LPP: variants seen among roughly 807,000 people sequenced by gnomAD.
LPP encodes lipoma-preferred partner.
In LPP, 38 loss-of-function variants were observed where a neutral mutation model predicts 60.4. That is an observed-to-expected ratio of 0.63 (90% CI 0.49 to 0.83). The LOEUF (loss-of-function observed/expected upper bound fraction) is 0.83. Among genes scored for constraint, LPP ranks in the 40% least tolerant of loss-of-function variants. The probability of loss-of-function intolerance (pLI) is 0.00; values close to 1 mark genes in which losing one functional copy is unlikely to be tolerated. For synonymous variants in LPP, 328 were observed against 290.8 expected, an observed-to-expected ratio of 1.13 and a Z score of -1.30; for missense variants, 902 against 783.6, an observed-to-expected ratio of 1.15 and a Z score of -1.80.
At chr3:188,336,163 A>T (rs1257794199) in intron 2 of LPP, among the ~76,000 whole-genome samples, 1 of 152,040 alleles carries the variant, frequency 6.6e-6, no homozygotes, top group Non-Finnish European at 1.5e-5. Context: ...ACTGCTCTTC[A>T]TGTCAGATAT....
At chr3:188,195,605 T>C (rs537295480) in intron 1 of LPP, among the ~76,000 whole-genome samples, 1 of 152,302 alleles carries the variant, frequency 6.6e-6, no homozygotes, top group South Asian at 2.1e-4. Flanking sequence ...GCATTTAAAA[T>C]GTGGCTAGTT....
At chr3:188,230,232 C>T (rs537158369) in intron 2 of LPP, among the ~76,000 whole-genome samples, 12 of 151,904 alleles carry the variant, frequency 7.9e-5, no homozygotes, top group Non-Finnish European at 1.6e-4. Context: ...ACTACAGGTG[C>T]GTGCCGCCAC....
chr3:188,299,112 G>T (rs1448299905), intron 2 of LPP, among the ~76,000 whole-genome samples: 1 of 152,170 alleles, frequency 6.6e-6, no homozygotes, highest in African/African-American at 2.4e-5. Context: ...GCAGACAGAC[G>T]GGTGAACTTG....
At chr3:188,852,711 T>A (rs73888946) in intron 9 of LPP, among the ~76,000 whole-genome samples, 2,798 of 152,282 alleles carry the variant, frequency 0.018, 79 homozygotes, top group African/African-American at 0.063. Context: ...TCCATTATCA[T>A]AAACCAAGTA....
chr3:188,508,397 A>G (rs1814184626), intron 5 of LPP, among the ~76,000 whole-genome samples: 1 of 152,238 alleles, frequency 6.6e-6, no homozygotes, highest in Non-Finnish European at 1.5e-5. Context: ...AATGAAAGGG[A>G]CTATACAGTC....
At chr3:188,554,772 C>T (rs1182231635) in intron 6 of LPP, among the ~76,000 whole-genome samples, 1 of 152,108 alleles carries the variant, frequency 6.6e-6, no homozygotes, top group African/African-American at 2.4e-5. Flanking sequence ...TCTAGAACTC[C>T]AATAAGAATA....
Position 188,610,554 on chromosome 3 carries a change from G to A in LPP, c.1113+710G>A, listed in dbSNP as rs1257912007. Among the ~76,000 whole-genome samples the A allele has an allele frequency of 1.3e-5, 2 of 152,298 alleles. No homozygotes were observed. Among genetic ancestry groups the A allele is most frequent in the East Asian group, 3.9e-4 (2 of 5,192 alleles). On this transcript the variant is annotated intron_variant, in intron 7 of 11. Coordinates refer to ENST00000617246, the MANE Select transcript of LPP (RefSeq NM_001375462.1). The surrounding 1 kb of genome is among the most constrained non-coding windows in gnomAD (Gnocchi z 4.4). ...CCTCCAGAAAGAATCTTATTCTTCAGCCTTTAGCACTATTAAGCAATGTTT... is the reference window on the plus strand; with the variant it reads ...CCTCCAGAAAGAATCTTATTCTTCAACCTTTAGCACTATTAAGCAATGTTT...
intron 1 of LPP, among the ~76,000 whole-genome samples, chr3:188,157,201 A>G (rs554405202): frequency 1.3e-5 from 2 of 152,318 alleles, no homozygotes; most frequent in East Asian, 3.9e-4. Context: ...CTTTCCAATC[A>G]GATACTCCAT....
At chr3:188,185,477 T>C (rs558882780) in intron 1 of LPP, among the ~76,000 whole-genome samples, 1 of 146,580 alleles carries the variant, frequency 6.8e-6, no homozygotes, top group Non-Finnish European at 1.6e-5. Flanking sequence ...CCCCACAGTT[T>C]ATAGAGTGGA....
chr3:188,581,841 T>C (rs1408731560), intron 6 of LPP, among the ~76,000 whole-genome samples: 1 of 152,330 alleles, frequency 6.6e-6, no homozygotes, highest in Non-Finnish European at 1.5e-5. Context: ...ATTTACCTTC[T>C]ATTACCTTTC....
chr3:188,368,680 T>TCACACACA (rs1442170326), intron 3 of LPP, among the ~76,000 whole-genome samples: 962 of 95,246 alleles, frequency 0.01, 6 homozygotes, highest in Non-Finnish European at 0.015. Context: ...ACACACACAC[T>TCACACACA]CTCACACACA....
At chr3:188,731,516 T>G (rs201015301) in intron 8 of LPP, among the ~76,000 whole-genome samples, 135 of 145,818 alleles carry the variant, frequency 9.3e-4, no homozygotes, top group African/African-American at 3.0e-3. Context: ...TTTTTTGTTT[T>G]TTTTGTTTTG....
chr3:188,668,790 C>T (rs1199121197), intron 7 of LPP, among the ~76,000 whole-genome samples: 2 of 152,140 alleles, frequency 1.3e-5, no homozygotes, highest in African/African-American at 4.8e-5. Flanking sequence ...TCAGGAGCAG[C>T]AGTATGTGAT....
At chr3:188,246,726 A>G (rs1727095024) in intron 2 of LPP, among the ~76,000 whole-genome samples, 1 of 152,216 alleles carries the variant, frequency 6.6e-6, no homozygotes. Flanking sequence ...GACTCAGATG[A>G]TTATTTAACT....
In LPP at chr3:188,352,391, C is replaced by A. The variant is rs1766122863; in HGVS notation, c.-10+10672C>A. ...ACTCCTTGGGCTCTGTTTAGATCAG[C>A]TATTTTCTGAAGGAGTCGCTGACCT... On this transcript the variant is annotated intron_variant, in intron 3 of 11. Coordinates refer to ENST00000617246, the MANE Select transcript of LPP (RefSeq NM_001375462.1). The surrounding 1 kb of genome is among the most constrained non-coding windows in gnomAD (Gnocchi z 4.4). Among the ~76,000 whole-genome samples the A allele has an allele frequency of 6.6e-6, 1 of 152,124 alleles. No individual in the cohort carries two copies. Among genetic ancestry groups the A allele is most frequent in the Admixed American group, 6.5e-5 (1 of 15,272 alleles).
intron 1 of LPP, among the ~76,000 whole-genome samples, chr3:188,207,625 T>TC (rs1733668055): frequency 1.3e-5 from 2 of 150,996 alleles, no homozygotes; most frequent in East Asian, 3.9e-4. Flanking sequence ...TTTCTTCTTT[T>TC]TTTTTTTTTT....
At chr3:188,672,766 GACA>G (rs1857197166) in intron 7 of LPP, among the ~76,000 whole-genome samples, 1 of 152,114 alleles carries the variant, frequency 6.6e-6, no homozygotes, top group South Asian at 2.1e-4. Context: ...CCACTGCTTT[GACA>G]ACACCTTTTA....
intron 4 of LPP, among the ~76,000 whole-genome samples, chr3:188,443,427 T>C (rs1174793082): frequency 6.6e-6 from 1 of 152,244 alleles, no homozygotes; most frequent in Non-Finnish European, 1.5e-5. Context: ...TCTTACGCTA[T>C]TGAACCTCAG....
intron 9 of LPP, among the ~76,000 whole-genome samples, chr3:188,806,738 T>C (rs1461143488): frequency 6.6e-6 from 1 of 151,972 alleles, no homozygotes; most frequent in Non-Finnish European, 1.5e-5. Context: ...TATACACCTT[T>C]AATTAACTAG....
Sources: allele counts gnomAD v4.1 joint callset (sites outside exome capture counted in the v4.1 genomes callset), GRCh38; gene constraint gnomAD v4.1.1; non-coding constraint Gnocchi (gnomAD v3.1); transcripts MANE v1.5; gene names NCBI Gene and HGNC (gene_info 2026-07-23, HGNC 2026-07-21).